The following ZC3H12B variants were observed in gnomAD, a reference collection of about 807,000 sequenced individuals.
The protein encoded by ZC3H12B is zinc finger CCCH-type containing 12B.
In ZC3H12B, 7 loss-of-function variants were observed where a neutral mutation model predicts 43.9. The ratio of observed to expected loss-of-function variants is 0.16; its 90% CI spans 0.09 to 0.30. ZC3H12B has a LOEUF of 0.30. Ranked by LOEUF, ZC3H12B falls within the 10% of genes least tolerant of loss-of-function variation. ZC3H12B has a pLI of 1.00. For missense variants in ZC3H12B, 475 were observed against 670.2 expected, an observed-to-expected ratio of 0.71 and a Z score of 3.22; for synonymous variants, 222 against 241.7, an observed-to-expected ratio of 0.92 and a Z score of 0.76.
chrX:65,473,210 T>A (rs2067950839), intron 3 of ZC3H12B, among the ~76,000 whole-genome samples: 1 of 107,695 alleles, frequency 9.3e-6, no homozygotes, highest in Non-Finnish European at 1.9e-5. Context: ...GAGACAGGGT[T>A]TCACCATGTT....
chrX:65,265,442 G>A, the ZC3H12B span, among the ~76,000 whole-genome samples: 70 of 112,236 alleles, frequency 6.2e-4, no homozygotes, highest in African/African-American at 2.2e-3. Flanking sequence ...CCTACTGGCA[G>A]CCAGGTGGCA....
chrX:65,322,346 T>C, the ZC3H12B span, among the ~76,000 whole-genome samples: 96 of 112,138 alleles, frequency 8.6e-4, no homozygotes, highest in African/African-American at 2.9e-3. Flanking sequence ...AACTCCAATA[T>C]TGGAAATTAA....
At chrX:65,493,534 AAGG>A in intron 1 of ZC3H12B, among the ~76,000 whole-genome samples, 1 of 112,373 alleles carries the variant, frequency 8.9e-6, no homozygotes. Context: ...TCTCCTTTGG[AAGG>A]AGAAATCCAT....
In ZC3H12B at chrX:65,472,998, GTATATATATATATATA is replaced by G. The variant is rs370502555; in HGVS notation, n.408-15644_408-15629del. On this transcript the variant is annotated intron_variant and non_coding_transcript_variant, in intron 3 of 5. Coordinates refer to the ZC3H12B transcript ENST00000617377. ...TGTGTATATATATATATATATATAT[GTATATATATATATATA>G]TATCTGTTTGTTTTTTGAGACAGAG... 7.2e-4 allele frequency among the ~76,000 whole-genome samples: 56 copies of G among 77,773 alleles called. 2 individuals carry two copies. Among genetic ancestry groups the G allele is most frequent in the Middle Eastern group, 6.1e-3 (1 of 164 alleles). 67.5% of individuals were successfully genotyped at this position (77,773 alleles called of 115,157 possible).
At chrX:65,264,095 G>A in the ZC3H12B span, among the ~76,000 whole-genome samples, 1 of 111,518 alleles carries the variant, frequency 9.0e-6, no homozygotes, top group Non-Finnish European at 1.9e-5. Context: ...TTATAAATGG[G>A]AGCTAAGCTA....
chrX:65,257,970 G>A, the ZC3H12B span, among the ~76,000 whole-genome samples: 29 of 111,132 alleles, frequency 2.6e-4, no homozygotes, highest in Non-Finnish European at 5.1e-4. Context: ...AAAAAGAGTT[G>A]GTACCATTCC....
the ZC3H12B span, among the ~76,000 whole-genome samples, chrX:65,233,514 G>C: frequency 1.0e-5 from 1 of 100,454 alleles, no homozygotes; most frequent in African/African-American, 3.9e-5. Flanking sequence ...GGCCAATGAA[G>C]AAATTAAGAA....
the ZC3H12B span, among the ~76,000 whole-genome samples, chrX:65,340,022 A>G: frequency 4.5e-5 from 5 of 111,769 alleles, no homozygotes; most frequent in East Asian, 1.1e-3. Context: ...CAGAGCCTTG[A>G]TGGGCACAGA....
the ZC3H12B span, among the ~76,000 whole-genome samples, chrX:65,312,880 G>GT: frequency 6.7e-4 from 74 of 110,419 alleles, 1 homozygote; most frequent in South Asian, 9.9e-3. Flanking sequence ...TTTGTTTTTT[G>GT]TTTTTTTTGT....
chrX:65,154,227 C>G, the ZC3H12B span, among the ~76,000 whole-genome samples: 1 of 111,191 alleles, frequency 9.0e-6, no homozygotes. Flanking sequence ...ACTTAAAGTA[C>G]AATAATAATA....
At chrX:65,319,819 C>T in the ZC3H12B span, among the ~76,000 whole-genome samples, 1 of 111,079 alleles carries the variant, frequency 9.0e-6, no homozygotes, top group Non-Finnish European at 1.9e-5. Flanking sequence ...CTAAAAAAAA[C>T]ACCACATGAT....
At chrX:65,284,691 G>A in the ZC3H12B span, among the ~76,000 whole-genome samples, 1 of 110,508 alleles carries the variant, frequency 9.0e-6, no homozygotes, top group African/African-American at 3.3e-5. Context: ...AACGTGGGAG[G>A]AAGAGGTTGC....
At chrX:65,365,513 G>C (rs950085884), upstream of ZC3H12B, among the ~76,000 whole-genome samples, 5 of 110,733 alleles carry the variant, frequency 4.5e-5, no homozygotes, top group Non-Finnish European at 9.5e-5. Context: ...ATCTCCCATT[G>C]TAGGTTCCCA....
chrX:65,150,906 C>G, the ZC3H12B span, among the ~76,000 whole-genome samples: 2 of 111,102 alleles, frequency 1.8e-5, no homozygotes, highest in Admixed American at 1.9e-4. Context: ...TCCCTGCCTC[C>G]CCTTCCTAGT....
intron 3 of ZC3H12B, among the ~76,000 whole-genome samples, chrX:65,430,805 G>A (rs1045089508): frequency 1.8e-5 from 2 of 110,979 alleles, no homozygotes; most frequent in African/African-American, 3.3e-5. Flanking sequence ...TTTTGGCTGA[G>A]GATGGGGGTT....
chrX:65,239,201 G>T, the ZC3H12B span, among the ~76,000 whole-genome samples: 1 of 110,920 alleles, frequency 9.0e-6, no homozygotes, highest in Non-Finnish European at 1.9e-5. Context: ...TATTGTGTGT[G>T]CGTCTAAGTC....
intron 2 of ZC3H12B, among the ~76,000 whole-genome samples, chrX:65,397,395 G>A (rs1241122101): frequency 9.0e-6 from 1 of 111,468 alleles, no homozygotes; most frequent in Non-Finnish European, 1.9e-5. Flanking sequence ...AGGCCTGGTG[G>A]TACAGAATCC....
the ZC3H12B span, among the ~76,000 whole-genome samples, chrX:65,264,490 A>G: frequency 8.9e-6 from 1 of 111,863 alleles, no homozygotes; most frequent in Non-Finnish European, 1.9e-5. Flanking sequence ...TACAGAATTG[A>G]CCCATATCTC....
At chrX:65,036,774 A>G in the ZC3H12B span, among the ~76,000 whole-genome samples, 1 of 110,445 alleles carries the variant, frequency 9.1e-6, no homozygotes, top group Non-Finnish European at 1.9e-5. Context: ...ATAGTGTATC[A>G]TATGAATACT....
Sources: allele counts gnomAD v4.1 joint callset (sites outside exome capture counted in the v4.1 genomes callset), GRCh38; gene constraint gnomAD v4.1.1; transcripts MANE v1.5; gene names NCBI Gene and HGNC (gene_info 2026-07-23, HGNC 2026-07-21).